Variants in TSNARE1 observed in about 807,000 individuals in gnomAD.
TSNARE1 encodes t-SNARE domain-containing protein 1.
TSNARE1 carries 49 observed loss-of-function variants against 62.0 expected under a neutral mutation model. The observed-to-expected ratio is 0.79, with a 90% CI of 0.63 to 1.00. TSNARE1 has a LOEUF of 1.00. TSNARE1 is among the 50% of genes least tolerant of loss of function. The probability of loss-of-function intolerance (pLI) is 0.00; values close to 1 mark genes in which losing one functional copy is unlikely to be tolerated. For synonymous variants in TSNARE1, 328 were observed against 294.4 expected (o/e 1.11, Z -1.17); for missense variants, 755 against 700.1 (o/e 1.08, Z -0.88).
At chr8:142,278,181 C>T in intron 11 of TSNARE1, 3 of 985,334 alleles carry the variant, frequency 3.0e-6, no homozygotes, top group African/African-American at 1.7e-5. Context: ...AGGCCCACAG[C>T]CCAGGCCCCT....
At position 142,403,142 on chromosome 8, in the gene TSNARE1, C is replaced by CGGCGGGCGA. The variant is rs1464251212; in HGVS notation, c.-87_-79dup. The CGGCGGGCGA allele has an allele frequency of 5.1e-4, 75 of 148,468 alleles. No homozygotes were observed. The highest frequency in any genetic ancestry group is 9.4e-4 in the Admixed American group (14 of 14,950). The allele number at this position is 148,468 out of a possible 1,614,324, so 9.2% of individuals were successfully genotyped here. ...GCTCGCGGACCGCTCCGGGCGCTCA[C>CGGCGGGCGA]GGCGGGCGAGGCGGGCGGGGCGGGC... On this transcript the variant is annotated 5_prime_UTR_variant, in exon 1 of 14. Coordinates refer to ENST00000524325, the MANE Select transcript of TSNARE1 (RefSeq NM_145003.5).
intron 13 of TSNARE1, among the ~76,000 whole-genome samples, chr8:142,225,002 C>T (rs1816707252): frequency 6.6e-6 from 1 of 152,102 alleles, no homozygotes; most frequent in South Asian, 2.1e-4. Context: ...CCCACTCCAG[C>T]AACAGAGCCA....
At chr8:142,255,508 G>A (rs1186887130) in intron 12 of TSNARE1, among the ~76,000 whole-genome samples, 2 of 5,444 alleles carry the variant, frequency 3.7e-4, no homozygotes, top group South Asian at 9.4e-3. Flanking sequence ...CACCACCACT[G>A]TCACCATCAC....
chr8:142,328,006 T>C (rs1260834319), intron 6 of TSNARE1, among the ~76,000 whole-genome samples: 1 of 152,180 alleles, frequency 6.6e-6, no homozygotes, highest in Non-Finnish European at 1.5e-5. Context: ...CATCGCTGCA[T>C]GCCCCAGGCA....
chr8:142,307,409 C>T (rs1045991635), intron 9 of TSNARE1, among the ~76,000 whole-genome samples: 2 of 152,322 alleles, frequency 1.3e-5, no homozygotes, highest in East Asian at 1.9e-4. Flanking sequence ...CCTGTCTCCA[C>T]GGGGGAGTGG....
intron 13 of TSNARE1, among the ~76,000 whole-genome samples, chr8:142,213,645 G>A (rs1459474296): frequency 6.6e-6 from 1 of 152,194 alleles, no homozygotes; most frequent in Non-Finnish European, 1.5e-5. Context: ...GAAGGAGGCA[G>A]CTGGGGAGGG....
chr8:142,308,906 C>T (rs995073404), intron 9 of TSNARE1, among the ~76,000 whole-genome samples: 3 of 152,148 alleles, frequency 2.0e-5, no homozygotes, highest in Non-Finnish European at 2.9e-5. Context: ...TTAGATCATC[C>T]ACTGGGTGAG....
chr8:142,343,785 AGG>A, intron 4 of TSNARE1, among the ~76,000 whole-genome samples, 179 bp downstream of exon 4: 1 of 64,882 alleles, frequency 1.5e-5, no homozygotes, highest in Non-Finnish European at 2.5e-5. Flanking sequence ...GAGGAGGAGG[AGG>A]AGGAGGAGGG....
chr8:142,388,266 T>C (rs77653026), intron 1 of TSNARE1, among the ~76,000 whole-genome samples: 8 of 152,256 alleles, frequency 5.3e-5, no homozygotes, highest in Non-Finnish European at 8.8e-5. Flanking sequence ...TACAGGTTTT[T>C]CATTAACATA....
At chr8:142,368,958 A>G (rs191764725) in intron 1 of TSNARE1, among the ~76,000 whole-genome samples, 3 of 152,326 alleles carry the variant, frequency 2.0e-5, no homozygotes, top group East Asian at 1.9e-4. Context: ...ACTCTCCTCT[A>G]AAGAGCAGCA....
At chr8:142,382,012 C>T (rs1587097686) in intron 1 of TSNARE1, among the ~76,000 whole-genome samples, 1 of 152,170 alleles carries the variant, frequency 6.6e-6, no homozygotes, top group Admixed American at 6.5e-5. Flanking sequence ...ACCCCCCCTA[C>T]ACACAGGCCA....
intron 4 of TSNARE1, 114 bp downstream of exon 4, chr8:142,343,852 A>G (rs1006067096): frequency 7.2e-5 from 60 of 830,336 alleles, no homozygotes; most frequent in Non-Finnish European, 8.8e-5. Context: ...GAGGAAGAGG[A>G]GGAGGAGGAA....
chr8:142,394,894 G>A (rs1293719357), intron 1 of TSNARE1, among the ~76,000 whole-genome samples: 2 of 152,200 alleles, frequency 1.3e-5, no homozygotes, highest in African/African-American at 4.8e-5. Context: ...GGGACAGTGA[G>A]GTGCGCTAAG....
intron 1 of TSNARE1, among the ~76,000 whole-genome samples, chr8:142,368,323 T>C (rs1287743011): frequency 6.6e-6 from 1 of 152,118 alleles, no homozygotes; most frequent in Admixed American, 6.5e-5. Context: ...ATAAAACTGG[T>C]GCTTAAACAT....
At chr8:142,229,177 G>A (rs1433771459) in intron 13 of TSNARE1, among the ~76,000 whole-genome samples, 1 of 77,976 alleles carries the variant, frequency 1.3e-5, no homozygotes, top group African/African-American at 6.9e-5. Context: ...GAGGGTGGAT[G>A]GATGGACAGA....
intron 10 of TSNARE1, among the ~76,000 whole-genome samples, chr8:142,289,756 C>T (rs1417544952): frequency 4.6e-5 from 7 of 152,218 alleles, no homozygotes; most frequent in East Asian, 1.9e-4. Context: ...CATGGGAGGC[C>T]GCCGGGACTT....
chr8:142,222,133 T>G (rs1450567453), intron 13 of TSNARE1, among the ~76,000 whole-genome samples: 1 of 129,666 alleles, frequency 7.7e-6, no homozygotes. Flanking sequence ...CACTCACTCA[T>G]CCACTCATTC....
At position 142,345,760 on chromosome 8, in the gene TSNARE1, G is replaced by C. The variant is rs1833265963; in HGVS notation, c.221C>G (p.Pro74Arg). The C allele has an allele frequency of 6.2e-7, 1 of 1,611,146 alleles. No homozygotes were observed. Among genetic ancestry groups the C allele is most frequent in the South Asian group, 1.1e-5 (1 of 90,708 alleles). ...TGAAGTACCTCGCTTCCTGGCCCTT[G>C]GGACAATAGGCGTGCCTGCTGGCCC... ...DLGPAGTPIV[P>R]RARKRGPGVA... Residue 74 changes from proline to arginine, a missense_variant, in exon 3 of 14, where the codon CCA becomes CGA. Coordinates refer to ENST00000524325, the MANE Select transcript of TSNARE1 (RefSeq NM_145003.5).
intron 1 of TSNARE1, among the ~76,000 whole-genome samples, chr8:142,392,628 G>A (rs757906439): frequency 6.6e-6 from 1 of 152,100 alleles, no homozygotes; most frequent in Non-Finnish European, 1.5e-5. Flanking sequence ...TATGCTTCAC[G>A]TGACTGTGTG....
Sources: allele counts gnomAD v4.1 joint callset (sites outside exome capture counted in the v4.1 genomes callset), GRCh38; gene constraint gnomAD v4.1.1; transcripts MANE v1.5; gene names NCBI Gene and HGNC (gene_info 2026-07-23, HGNC 2026-07-21).